Variants in ANKS1B observed in about 807,000 individuals in gnomAD.
ANKS1B encodes ankyrin repeat and sterile alpha motif domain containing 1B, also known as ankyrin repeat and sterile alpha motif domain-containing protein 1B.
Under a neutral mutation model 148.3 loss-of-function variants are expected in ANKS1B, and 36 were observed. That is an observed-to-expected ratio of 0.24 (90% confidence interval 0.19 to 0.32). ANKS1B has a LOEUF of 0.32. Among genes scored for constraint, ANKS1B ranks in the 10% least tolerant of loss-of-function variants. ANKS1B has a pLI of 1.00. For synonymous variants in ANKS1B, 542 were observed against 560.8 expected (o/e 0.97, Z 0.47); for missense variants, 1,157 against 1,542.6 (o/e 0.75, Z 4.19).
chr12:99,941,525 T>C (rs2094919042), intron 1 of ANKS1B, among the ~76,000 whole-genome samples: 1 of 152,090 alleles, frequency 6.6e-6, no homozygotes, highest in Non-Finnish European at 1.5e-5. Flanking sequence ...ATCAGTTAGT[T>C]ATCCATTCCA....
chr12:99,458,879 T>C (rs953802598), intron 10 of ANKS1B, among the ~76,000 whole-genome samples: 13 of 151,486 alleles, frequency 8.6e-5, no homozygotes, highest in Admixed American at 6.6e-4. Context: ...CCAAAAGATA[T>C]AGAAAAAGAG....
Position 99,066,240 on chromosome 12 carries a change from G to C in ANKS1B, c.2626-12931C>G, listed in dbSNP as rs541440660. 2.0e-5 allele frequency among the ~76,000 whole-genome samples: 3 copies of C among 152,260 alleles called. No individual in the cohort carries two copies. In the South Asian group the frequency reaches 6.2e-4, roughly 32 times the overall value. On this transcript the variant is annotated intron_variant, in intron 16 of 26. Coordinates refer to ENST00000683438, the MANE Select transcript of ANKS1B (RefSeq NM_001352186.2). ...TTAGGTTGAGGCGCGAGAATTGCTT[G>C]AACCCAGGAGGCAGAGGATGCAGTG...
intron 11 of ANKS1B, among the ~76,000 whole-genome samples, chr12:99,416,668 T>C (rs773103951): frequency 6.6e-6 from 1 of 152,256 alleles, no homozygotes; most frequent in Admixed American, 6.5e-5. Flanking sequence ...CGTCTCTTCA[T>C]GTCTTCTGCC....
chr12:99,816,048 A>C (rs2069087994), intron 2 of ANKS1B, among the ~76,000 whole-genome samples: 1 of 151,834 alleles, frequency 6.6e-6, no homozygotes, highest in Non-Finnish European at 1.5e-5. Flanking sequence ...TAGTTCTTTA[A>C]GGAATCTCCA....
intron 9 of ANKS1B, among the ~76,000 whole-genome samples, chr12:99,538,868 T>A (rs2097098315): frequency 6.6e-6 from 1 of 152,210 alleles, no homozygotes; most frequent in African/African-American, 2.4e-5. Flanking sequence ...TGCTACTAGC[T>A]ATGGGTCTTT....
intron 11 of ANKS1B, among the ~76,000 whole-genome samples, chr12:99,413,695 G>A (rs1207767588): frequency 6.6e-6 from 1 of 151,970 alleles, no homozygotes; most frequent in Admixed American, 6.5e-5. Context: ...TTATATAGAG[G>A]TATCTGACTA....
At chr12:99,829,327 C>T (rs143421875) in intron 1 of ANKS1B, among the ~76,000 whole-genome samples, 5 of 151,550 alleles carry the variant, frequency 3.3e-5, no homozygotes, top group African/African-American at 7.3e-5. Context: ...CAAGCCTGGC[C>T]GACAAGGTGA....
intron 19 of ANKS1B, among the ~76,000 whole-genome samples, chr12:98,816,924 G>T (rs1195110822): frequency 2.6e-5 from 4 of 151,160 alleles, no homozygotes; most frequent in Non-Finnish European, 5.9e-5. Context: ...ATCTAATAAA[G>T]AAACTTTTAT....
chr12:99,746,086 A>G (rs974227616), intron 8 of ANKS1B, among the ~76,000 whole-genome samples: 3 of 152,174 alleles, frequency 2.0e-5, no homozygotes, highest in African/African-American at 7.2e-5. Context: ...AGTTTACATA[A>G]CTGGTGAGCA....
chr12:99,332,583 A>G (rs1274489912), intron 12 of ANKS1B, among the ~76,000 whole-genome samples: 4 of 151,892 alleles, frequency 2.6e-5, no homozygotes, highest in Non-Finnish European at 5.9e-5. Flanking sequence ...AAAAACGTGT[A>G]CCTGGCACTG....
chr12:99,687,703 A>G (rs962130576), intron 8 of ANKS1B, among the ~76,000 whole-genome samples: 1 of 152,022 alleles, frequency 6.6e-6, no homozygotes, highest in Admixed American at 6.6e-5. Context: ...TTCTCTCCTC[A>G]TGCTCATGTA....
chr12:98,946,980 TAG>T (rs2099846499), intron 17 of ANKS1B, among the ~76,000 whole-genome samples: 1 of 137,490 alleles, frequency 7.3e-6, no homozygotes, highest in African/African-American at 2.8e-5. Flanking sequence ...GTGTTTTGAG[TAG>T]ACTTTTGAGT....
At chr12:98,983,377 C>T (rs2099917985) in intron 17 of ANKS1B, among the ~76,000 whole-genome samples, 1 of 152,114 alleles carries the variant, frequency 6.6e-6, no homozygotes, top group Non-Finnish European at 1.5e-5. Flanking sequence ...CTCCACTTAT[C>T]AATGGAGACC....
At chr12:99,368,525 TA>T (rs1410840774) in intron 12 of ANKS1B, among the ~76,000 whole-genome samples, 1 of 151,988 alleles carries the variant, frequency 6.6e-6, no homozygotes, top group African/African-American at 2.4e-5. Context: ...AAAGAGACAA[TA>T]TAAGATCAAA....
At chr12:98,822,381 A>T (rs2099203850) in intron 19 of ANKS1B, among the ~76,000 whole-genome samples, 1 of 152,198 alleles carries the variant, frequency 6.6e-6, no homozygotes, top group Non-Finnish European at 1.5e-5. Flanking sequence ...TATAACAGCC[A>T]AAACTGACCT....
At chr12:99,815,675 A>C (rs531834478) in intron 2 of ANKS1B, among the ~76,000 whole-genome samples, 18 of 151,680 alleles carry the variant, frequency 1.2e-4, no homozygotes, top group African/African-American at 4.1e-4. Flanking sequence ...CCCACAGTCC[A>C]TTATATCACT....
chr12:99,503,060 C>T (rs1326941949), intron 10 of ANKS1B, among the ~76,000 whole-genome samples: 1 of 152,224 alleles, frequency 6.6e-6, no homozygotes, highest in East Asian at 1.9e-4. Flanking sequence ...CCTCAGCCTC[C>T]TGAATAGCTG....
chr12:98,745,253 C>T lies in ANKS1B; in HGVS notation c.*486G>A. On this transcript the variant is annotated 3_prime_UTR_variant, in exon 27 of 27. Transcript: ENST00000683438. ...TTTTGTCCTTTTGCATTAAACGATA[C>T]TCAATGATAGAATGATTTTACAGAT... is the stretch of plus-strand genomic sequence containing the variant. 1 of 985,714 alleles carries T rather than the reference C, an allele frequency of 1.0e-6. No individual in the cohort carries two copies. Among genetic ancestry groups the T allele is most frequent in the Non-Finnish European group, 1.2e-6 (1 of 829,970 alleles). 61.1% of individuals were successfully genotyped at this position (985,714 alleles called of 1,614,324 possible). A position where few individuals can be genotyped will look rare whatever the true frequency, so the allele number is the denominator to read the frequency against.
intron 17 of ANKS1B, among the ~76,000 whole-genome samples, chr12:98,969,428 T>C (rs1415638785): frequency 1.3e-5 from 2 of 152,196 alleles, no homozygotes; most frequent in Non-Finnish European, 2.9e-5. Flanking sequence ...CCAAACATTC[T>C]ATGGGCATTT....
Sources: gnomAD v4.1 joint callset for allele counts (sites outside exome capture counted in the v4.1 genomes callset) on GRCh38, gnomAD v4.1.1 for gene constraint, MANE v1.5 for transcripts, NCBI Gene and HGNC (gene_info 2026-07-23, HGNC 2026-07-21) for gene names.